The following TSBP1 variants were observed in gnomAD, a reference collection of about 807,000 sequenced individuals.
TSBP1 encodes the protein testis-expressed basic protein 1.
In TSBP1, 56 loss-of-function variants were observed where a neutral mutation model predicts 68.8. The observed-to-expected ratio is 0.81, with a 90% CI of 0.66 to 1.02. TSBP1 has a LOEUF of 1.02. TSBP1 is among the 50% of genes least tolerant of loss of function. The probability of loss-of-function intolerance (pLI) is 0.00; values close to 1 mark genes in which losing one functional copy is unlikely to be tolerated. For missense variants in TSBP1, 502 were observed against 641.2 expected (o/e 0.78, Z 2.34); for synonymous variants, 171 against 208.7 (o/e 0.82, Z 1.56).
chr6:32,322,798 C>T (rs1046600332), intron 18 of TSBP1, among the ~76,000 whole-genome samples: 1 of 152,180 alleles, frequency 6.6e-6, no homozygotes, highest in African/African-American at 2.4e-5. Context: ...GAAAAGACCA[C>T]TGGATCCTTG....
chr6:32,324,487 A>T (rs1478554060), intron 16 of TSBP1: 1 of 884,682 alleles, frequency 1.1e-6, no homozygotes, highest in Non-Finnish European at 1.8e-6. Flanking sequence ...GATAGTCTTA[A>T]AACTTTCCAG....
rs190133746 is a variant in TSBP1 at position 32,307,466 on chromosome 6, C to T, written c.581-4837G>A. ...ACTTTGAAATTAGTTGAGGCTTGCT[C>T]TAGTTGAAGGAATTGGTGGTCAAGG... is the stretch of plus-strand genomic sequence containing the variant. On this transcript the variant is annotated intron_variant, in intron 19 of 22. Coordinates refer to ENST00000612031, the Ensembl canonical transcript of TSBP1. Among the ~76,000 whole-genome samples, 144 of 152,104 alleles carry T rather than the reference C, an allele frequency of 9.5e-4. 2 individuals are homozygous for T. Among genetic ancestry groups the T allele is most frequent in the African/African-American group, 3.4e-3 (139 of 41,482 alleles).
Position 32,325,826 on chromosome 6 carries a change from GTGGTC to G in TSBP1, c.515-2217_515-2213del. The stretch of plus-strand genomic sequence containing the variant: ...CGAAGTGGTTCTGGAAACTTAGGTG[GTGGTC>G]ATGGAGGTGGTTTCGGTGGGAATGA... On this transcript the variant is annotated intron_variant, in intron 16 of 22. Transcript: ENST00000612031. The surrounding 1 kb of genome is among the most constrained non-coding windows in gnomAD (Gnocchi z 4.4). The G allele has an allele frequency of 7.7e-7, 1 of 1,302,882 alleles. No individual in the cohort carries two copies. The highest frequency in any genetic ancestry group is 1.1e-6 in the Non-Finnish European group (1 of 911,578). 80.7% of individuals were successfully genotyped at this position (1,302,882 alleles called of 1,614,324 possible). A position where few individuals can be genotyped will look rare whatever the true frequency, so the allele number is the denominator to read the frequency against.
At position 32,316,472 on chromosome 6, in the gene TSBP1, G is replaced by A. The variant is rs770789878; in HGVS notation, c.560-680C>T. ...TGAAAGGAGCAAGTTTCCTTCTAGG[G>A]AGAGATATTTGTGTTGGGGAGAATC... On this transcript the variant is annotated intron_variant, in intron 18 of 22. Transcript: ENST00000612031. This position sits in a 1 kb window ranked among gnomAD's most constrained non-coding sequence, Gnocchi z 4.5. The A allele has an allele frequency of 2.8e-5, 40 of 1,426,818 alleles. 1 individual carries two copies. The East Asian group carries it at 7.9e-4, about 28-fold the overall frequency. 88.4% of individuals were successfully genotyped at this position (1,426,818 alleles called of 1,614,324 possible).
Position 32,338,898 on chromosome 6 carries a change from T to C in TSBP1, c.409+81A>G. The C allele has an allele frequency of 9.2e-7, 1 of 1,083,808 alleles. No homozygotes were observed. Among genetic ancestry groups the C allele is most frequent in the South Asian group, 1.3e-5 (1 of 79,524 alleles). 67.1% of individuals were successfully genotyped at this position (1,083,808 alleles called of 1,614,324 possible). The stretch of plus-strand genomic sequence containing the variant: ...AATTTGTGAAAGAAATAAAAAAATC[T>C]AGGAATATGAGTGTCTTACATATTC... On this transcript the variant is annotated intron_variant, in intron 11 of 22. Coordinates refer to ENST00000612031, the Ensembl canonical transcript of TSBP1. The surrounding 1 kb of genome is among the most constrained non-coding windows in gnomAD (Gnocchi z 5.5).
intron 16 of TSBP1, chr6:32,323,822 G>A (rs1767915615): frequency 3.4e-6 from 2 of 596,146 alleles, no homozygotes; most frequent in Non-Finnish European, 6.0e-6. Context: ...GAAAGTAAGT[G>A]GTTAAAGTAG....
chr6:32,368,717 C>T, intron 3 of TSBP1, 65 bp downstream of exon 3: 1 of 1,477,118 alleles, frequency 6.8e-7, no homozygotes, highest in South Asian at 1.2e-5. Context: ...AGACAGATTT[C>T]TTTCCTGACT....
chr6:32,331,170 T>A (rs900394374), intron 15 of TSBP1, among the ~76,000 whole-genome samples: 2 of 151,820 alleles, frequency 1.3e-5, no homozygotes, highest in Non-Finnish European at 2.9e-5. Context: ...TCATTGTAGG[T>A]GTTGGAGATG....
chr6:32,297,876 T>C (rs558825098), intron 22 of TSBP1, among the ~76,000 whole-genome samples: 44 of 151,954 alleles, frequency 2.9e-4, no homozygotes, highest in Admixed American at 5.9e-4. Flanking sequence ...CTGGGCAACA[T>C]AGTGAGACCC....
At chr6:32,355,731 A>G (rs780391181) in intron 6 of TSBP1, 62 bp from the exon 7 acceptor site, 1 of 1,558,362 alleles carries the variant, frequency 6.4e-7, no homozygotes, top group Non-Finnish European at 8.7e-7. Flanking sequence ...TAGTTTTGGT[A>G]TCACTACAGA....
At chr6:32,339,524 ACATGTATCCCATAAATT>A (rs1770092857) in intron 10 of TSBP1, 59 bp downstream of exon 11, 1 of 818,068 alleles carries the variant, frequency 1.2e-6, no homozygotes, top group Non-Finnish European at 2.2e-6. Context: ...TCAAAATATC[ACATGTATCCCATAAATT>A]TGTACAATTA....
chr6:32,364,545 G>A (rs3129916), intron 6 of TSBP1, among the ~76,000 whole-genome samples: 21,170 of 150,084 alleles, frequency 0.14, 1,669 homozygotes, highest in Non-Finnish European at 0.17. Context: ...TTTAGGCATT[G>A]CACCCTTCAG....
chr6:32,296,591 TG>T (rs770383188), intron 22 of TSBP1, among the ~76,000 whole-genome samples: 3 of 152,234 alleles, frequency 2.0e-5, no homozygotes, highest in Non-Finnish European at 4.4e-5. Flanking sequence ...TGTTTTGTTT[TG>T]TTTTGTTTAG....
exon 23 of TSBP1, chr6:32,293,953 T>C (rs1419430753): frequency 6.2e-7 from 1 of 1,612,704 alleles, no homozygotes; most frequent in Admixed American, 1.7e-5. Context: ...TCTGAGACCT[T>C]GCAGTGCCTC....
intron 22 of TSBP1, among the ~76,000 whole-genome samples, chr6:32,295,349 C>CAAAAAAAAAAAAAAAAAAAAAAA (rs3038432): frequency 1.1e-5 from 1 of 90,846 alleles, no homozygotes; most frequent in Non-Finnish European, 2.4e-5. Context: ...CACACACACA[C>CAAAAAAAAAAAAAAAAAAAAAAA]AAAAAAAAAA....
chr6:32,334,620 G>A (rs898992518), intron 14 of TSBP1, among the ~76,000 whole-genome samples: 5 of 152,016 alleles, frequency 3.3e-5, no homozygotes, highest in Admixed American at 6.5e-5. Context: ...TAATGTACGC[G>A]AGGGTTAAAA....
At position 32,320,684 on chromosome 6, in the gene TSBP1, C is replaced by T. The variant is rs576488557; in HGVS notation, c.559+2433G>A. Among the ~76,000 whole-genome samples the T allele has an allele frequency of 1.0e-3, 159 of 152,060 alleles. 1 individual carries two copies. Among genetic ancestry groups the T allele is most frequent in the Admixed American group, 3.6e-3 (55 of 15,274 alleles). Reference sequence around the variant, plus strand: ...TATATTTTTCATTTATAGATATTGCCAGGTAACACTTTTTAAACTTTTATT... The same window carrying T: ...TATATTTTTCATTTATAGATATTGCTAGGTAACACTTTTTAAACTTTTATT... On this transcript the variant is annotated intron_variant, in intron 18 of 22. Coordinates refer to ENST00000612031, the Ensembl canonical transcript of TSBP1.
chr6:32,299,699 A>G (rs927927359), intron 22 of TSBP1, among the ~76,000 whole-genome samples: 1 of 152,136 alleles, frequency 6.6e-6, no homozygotes, highest in African/African-American at 2.4e-5. Context: ...CAGGAGGATC[A>G]CTTGAGCCCA....
At chr6:32,350,388 A>G (rs1220059210) in intron 8 of TSBP1, among the ~76,000 whole-genome samples, 1 of 152,216 alleles carries the variant, frequency 6.6e-6, no homozygotes, top group Non-Finnish European at 1.5e-5. Context: ...GGAATATTTC[A>G]TCCTCTCCTT....
Sources: gnomAD v4.1 joint callset for allele counts (sites outside exome capture counted in the v4.1 genomes callset) on GRCh38, gnomAD v4.1.1 for gene constraint, Gnocchi (gnomAD v3.1) non-coding constraint, MANE v1.5 for transcripts, NCBI Gene and HGNC (gene_info 2026-07-23, HGNC 2026-07-21) for gene names.